Variants in RGS6 observed in about 807,000 individuals in gnomAD.
RGS6 encodes the protein regulator of G protein signaling 6.
RGS6 carries 30 observed loss-of-function variants against 78.5 expected under a neutral mutation model. The observed-to-expected ratio is 0.38, with a 90% confidence interval of 0.29 to 0.52. The LOEUF (loss-of-function observed/expected upper bound fraction) is 0.52, where lower values mean the gene tolerates loss of function less well. RGS6 is among the 20% of genes least tolerant of loss of function. The pLI is 0.85. For synonymous variants in RGS6, 206 were observed against 206.0 expected (o/e 1.00, Z 0.00); for missense variants, 495 against 609.7 (o/e 0.81, Z 1.98).
chr14:72,282,992 A>G (rs182217763), intron 2 of RGS6, among the ~76,000 whole-genome samples: 1 of 152,136 alleles, frequency 6.6e-6, no homozygotes, highest in Non-Finnish European at 1.5e-5. Flanking sequence ...GGTTTTGACT[A>G]TTTTACAATC....
At chr14:72,323,436 A>T (rs941828384) in intron 2 of RGS6, among the ~76,000 whole-genome samples, 7 of 151,848 alleles carry the variant, frequency 4.6e-5, no homozygotes, top group Admixed American at 4.6e-4. Context: ...ATGCAATGCA[A>T]TAAAAAAAAA....
chr14:72,110,553 T>G (rs1463190958), intron 2 of RGS6, among the ~76,000 whole-genome samples: 1 of 152,194 alleles, frequency 6.6e-6, no homozygotes, highest in East Asian at 1.9e-4. Flanking sequence ...CTCCCTGCCT[T>G]CTTCCTTTCC....
At chr14:72,087,926 G>C (rs1386291963) in intron 2 of RGS6, among the ~76,000 whole-genome samples, 1 of 152,026 alleles carries the variant, frequency 6.6e-6, no homozygotes, top group Admixed American at 6.5e-5. Flanking sequence ...GCTGTTCCCA[G>C]TTCTTTGGAT....
At chr14:72,496,658 A>G (rs1013692674) in intron 13 of RGS6, among the ~76,000 whole-genome samples, 5 of 152,256 alleles carry the variant, frequency 3.3e-5, no homozygotes, top group Non-Finnish European at 7.3e-5. Context: ...GGTCCTAGCC[A>G]TAATAAATGA....
At chr14:71,926,735 AG>A in the RGS6 span, among the ~76,000 whole-genome samples, 1 of 152,182 alleles carries the variant, frequency 6.6e-6, no homozygotes, top group Admixed American at 6.5e-5. Flanking sequence ...CTTAATAAAA[AG>A]GCTTTCTCTT....
At chr14:71,889,902 C>A in the RGS6 span, among the ~76,000 whole-genome samples, 3 of 152,126 alleles carry the variant, frequency 2.0e-5, no homozygotes, top group Non-Finnish European at 4.4e-5. Context: ...CACCTCCTCT[C>A]TCTCTCTCTT....
At chr14:72,119,910 G>A (rs2096005147) in intron 2 of RGS6, among the ~76,000 whole-genome samples, 1 of 152,190 alleles carries the variant, frequency 6.6e-6, no homozygotes, top group Non-Finnish European at 1.5e-5. Context: ...AGGATATTCC[G>A]GTAGCAGAAT....
intron 2 of RGS6, among the ~76,000 whole-genome samples, chr14:72,183,894 G>A (rs1225870716): frequency 2.0e-5 from 3 of 152,112 alleles, no homozygotes; most frequent in East Asian, 3.9e-4. Context: ...GTAGTTGCTC[G>A]TGTTGGCTCA....
intron 2 of RGS6, among the ~76,000 whole-genome samples, chr14:72,109,507 A>C (rs2095706835): frequency 6.6e-6 from 1 of 152,190 alleles, no homozygotes; most frequent in African/African-American, 2.4e-5. Context: ...TGGGACAAAA[A>C]AGTTTTTAAC....
intron 2 of RGS6, among the ~76,000 whole-genome samples, chr14:72,094,118 G>T (rs928814529): frequency 2.6e-5 from 4 of 152,068 alleles, no homozygotes; most frequent in Non-Finnish European, 5.9e-5. Context: ...AAGAATTTCT[G>T]GACAGGAAAA....
chr14:71,878,904 C>T, the RGS6 span, among the ~76,000 whole-genome samples: 42 of 152,156 alleles, frequency 2.8e-4, no homozygotes, highest in Non-Finnish European at 5.3e-4. Flanking sequence ...TTTAGGGGTG[C>T]TGATGTACAA....
At chr14:72,619,820 G>A in the RGS6 span, 1 of 1,286,316 alleles carries the variant, frequency 7.8e-7, no homozygotes, top group Non-Finnish European at 1.1e-6. Flanking sequence ...TTAGCATAAG[G>A]CCTGTACCAT....
intron 2 of RGS6, among the ~76,000 whole-genome samples, chr14:71,994,108 A>G (rs2095087863): frequency 6.6e-6 from 1 of 151,858 alleles, no homozygotes. Context: ...TACATACCCA[A>G]TTATCTGGGC....
At chr14:71,874,024 A>G in the RGS6 span, among the ~76,000 whole-genome samples, 1 of 152,186 alleles carries the variant, frequency 6.6e-6, no homozygotes, top group East Asian at 1.9e-4. Context: ...TACCAACACC[A>G]TGCTGTTTTG....
At chr14:72,513,295 G>A (rs1348295382) in intron 14 of RGS6, among the ~76,000 whole-genome samples, 1 of 152,130 alleles carries the variant, frequency 6.6e-6, no homozygotes, top group African/African-American at 2.4e-5. Context: ...TGTCACCCTG[G>A]ATCCTTTAAG....
intron 17 of RGS6, among the ~76,000 whole-genome samples, chr14:72,544,123 CAT>C (rs1481955948): frequency 1.3e-5 from 2 of 152,288 alleles, no homozygotes; most frequent in African/African-American, 2.4e-5. Flanking sequence ...CTGGCTCTGA[CAT>C]AGAGGACCAG....
intron 2 of RGS6, among the ~76,000 whole-genome samples, chr14:71,971,920 T>G (rs1468848384): frequency 4.0e-5 from 6 of 150,444 alleles, no homozygotes; most frequent in South Asian, 2.1e-4. Flanking sequence ...TTTTTTTTTT[T>G]TTTTTTTTTT....
intron 3 of RGS6, among the ~76,000 whole-genome samples, chr14:72,448,896 A>C (rs2095429418): frequency 6.6e-6 from 1 of 152,206 alleles, no homozygotes; most frequent in Non-Finnish European, 1.5e-5. Context: ...TCTGGGCCTA[A>C]TCTTTAAAAT....
chr14:71,878,072 G>A, the RGS6 span, among the ~76,000 whole-genome samples: 1 of 152,210 alleles, frequency 6.6e-6, no homozygotes, highest in South Asian at 2.1e-4. Flanking sequence ...CTGGCTGTAT[G>A]AGGTGTCAGT....
Sources: gnomAD v4.1 joint callset for allele counts (sites outside exome capture counted in the v4.1 genomes callset) on GRCh38, gnomAD v4.1.1 for gene constraint, MANE v1.5 for transcripts, NCBI Gene and HGNC (gene_info 2026-07-23, HGNC 2026-07-21) for gene names.